The following SLC9A4 variants were observed in gnomAD, a reference collection of about 807,000 sequenced individuals.
SLC9A4 encodes sodium/hydrogen exchanger 4.
In SLC9A4, 63 loss-of-function variants were observed where a neutral mutation model predicts 67.4. The observed-to-expected ratio is 0.93, with a 90% CI of 0.76 to 1.15. The LOEUF is 1.15. SLC9A4 is among the 50% of genes most tolerant of loss of function. The probability of loss-of-function intolerance (pLI) is 0.00; values close to 1 mark genes in which losing one functional copy is unlikely to be tolerated. For synonymous variants in SLC9A4, 393 were observed against 367.2 expected, an observed-to-expected ratio of 1.07 and a Z score of -0.80; for missense variants, 1,089 against 987.7, an observed-to-expected ratio of 1.10 and a Z score of -1.38.
chr2:102,506,340 G>T (rs969010416), intron 4 of SLC9A4, among the ~76,000 whole-genome samples: 1 of 152,152 alleles, frequency 6.6e-6, no homozygotes, highest in South Asian at 2.1e-4. Flanking sequence ...ATATTTTCAA[G>T]CCAATTACTC....
chr2:102,530,717 A>G (rs1354992962), intron 11 of SLC9A4, among the ~76,000 whole-genome samples: 3 of 152,164 alleles, frequency 2.0e-5, no homozygotes, highest in African/African-American at 7.2e-5. Context: ...ATCCAGAGGA[A>G]CTGGTCCCAG....
chr2:102,522,541 C>T (rs1685449615), intron 9 of SLC9A4, among the ~76,000 whole-genome samples: 1 of 152,008 alleles, frequency 6.6e-6, no homozygotes, highest in Non-Finnish European at 1.5e-5. Context: ...TCCAAGTGTT[C>T]CTTATAAAGT....
intron 11 of SLC9A4, among the ~76,000 whole-genome samples, chr2:102,528,957 G>T (rs116178728): frequency 1.7e-4 from 26 of 152,252 alleles, no homozygotes; most frequent in Admixed American, 2.6e-4. Flanking sequence ...GGATGATATT[G>T]GTTCCCTCCA....
intron 1 of SLC9A4, among the ~76,000 whole-genome samples, chr2:102,477,364 A>G (rs78627765): frequency 1.4e-3 from 219 of 152,322 alleles, no homozygotes; most frequent in Middle Eastern, 0.01. Context: ...ATCATTCTCC[A>G]ACAATCTGTT....
chr2:102,532,199 G>A (rs1674790884), intron 11 of SLC9A4, 131 bp from the exon 12 acceptor site: 8 of 1,020,464 alleles, frequency 7.8e-6, no homozygotes, highest in African/African-American at 1.6e-5. Context: ...GTGCTGATAA[G>A]AAAGTTGAGT....
At chr2:102,508,023 C>T (rs1685083757) in intron 4 of SLC9A4, 56 bp from the exon 5 acceptor site, 1 of 1,558,106 alleles carries the variant, frequency 6.4e-7, no homozygotes, top group African/African-American at 1.4e-5. Flanking sequence ...TTCACTAGCT[C>T]TGTATCTCTG....
At chr2:102,479,371 G>A (rs2104413441) in intron 2 of SLC9A4, 69 bp downstream of exon 2, 2 of 1,483,558 alleles carry the variant, frequency 1.3e-6, no homozygotes, top group African/African-American at 1.4e-5. Context: ...GGGACCGGAG[G>A]CTGTGGAGAC....
chr2:102,530,985 T>C (rs909690175), intron 11 of SLC9A4, among the ~76,000 whole-genome samples: 1 of 151,940 alleles, frequency 6.6e-6, no homozygotes, highest in African/African-American at 2.4e-5. Context: ...AGATATGGAG[T>C]TTTTGTTTTG....
rs374166431 is a variant in SLC9A4 at position 102,515,492 on chromosome 2, C to T, written c.1721+1241C>T. Among the ~76,000 whole-genome samples the T allele has an allele frequency of 1.3e-4, 19 of 150,118 alleles. No homozygotes were observed. In the South Asian group the frequency reaches 3.0e-3, roughly 24 times the overall value. On this transcript the variant is annotated intron_variant, in intron 8 of 11. Coordinates refer to ENST00000295269, the MANE Select transcript of SLC9A4 (RefSeq NM_001011552.4). ...TCTTTGAGGGTGGTGGAGGGGTTGT[C>T]GGTTTGTTTTGATGCTGCTCATCAC...
At chr2:102,504,443 A>T (rs1685008010) in intron 3 of SLC9A4, among the ~76,000 whole-genome samples, 1 of 152,204 alleles carries the variant, frequency 6.6e-6, no homozygotes, top group African/African-American at 2.4e-5. Flanking sequence ...ATGAAACTAG[A>T]CAGATGGGAT....
intron 1 of SLC9A4, among the ~76,000 whole-genome samples, chr2:102,476,276 G>A (rs1324521841): frequency 2.6e-5 from 4 of 152,172 alleles, no homozygotes; most frequent in Admixed American, 6.5e-5. Flanking sequence ...TTGAATCTTT[G>A]GGAAGAACAT....
chr2:102,528,471 G>A (rs965058379), intron 11 of SLC9A4, among the ~76,000 whole-genome samples: 10 of 150,744 alleles, frequency 6.6e-5, no homozygotes, highest in African/African-American at 2.2e-4. Context: ...TCCCTATGTT[G>A]CCCAGGCTGA....
Position 102,503,879 on chromosome 2 carries a change from C to T in SLC9A4, c.980+172C>T, listed in dbSNP as rs115597675. Among the ~76,000 whole-genome samples, 231 of 152,256 alleles carry T rather than the reference C, an allele frequency of 1.5e-3. 2 individuals carry two copies. The highest frequency in any genetic ancestry group is 3.1e-3 in the Admixed American group (48 of 15,300). ...AACCTGATTCGGGTTCTTTGTCAAACCAACGTTCTCTCCAATGCCTGCCTT... is the reference window on the plus strand; with the variant it reads ...AACCTGATTCGGGTTCTTTGTCAAATCAACGTTCTCTCCAATGCCTGCCTT... On this transcript the variant is annotated intron_variant, in intron 3 of 11. Transcript: ENST00000295269.
intron 8 of SLC9A4, among the ~76,000 whole-genome samples, chr2:102,517,667 TA>T (rs1171575068): frequency 6.6e-6 from 1 of 152,224 alleles, no homozygotes; most frequent in Non-Finnish European, 1.5e-5. Flanking sequence ...TACCCTAATT[TA>T]ATTATATGAA....
At chr2:102,491,261 C>T (rs1200510830) in intron 2 of SLC9A4, among the ~76,000 whole-genome samples, 1 of 146,538 alleles carries the variant, frequency 6.8e-6, no homozygotes, top group Non-Finnish European at 1.5e-5. Flanking sequence ...CGCTTGCTCA[C>T]ACTCTGCTGC....
intron 2 of SLC9A4, among the ~76,000 whole-genome samples, chr2:102,501,887 C>G (rs956872770): frequency 2.0e-5 from 3 of 151,650 alleles, no homozygotes; most frequent in Non-Finnish European, 2.9e-5. Flanking sequence ...CGTGGGTGAG[C>G]CTGGCAGGGT....
chr2:102,532,377 T>G lies in SLC9A4; in HGVS notation c.2086T>G (p.Cys696Gly). Residue 696 changes from cysteine (C) to glycine (G), a missense_variant, in exon 12 of 12, where the codon TGC becomes GGC. Cys to Gly is a radical substitution (Grantham distance 159, BLOSUM62 -3). Transcript: ENST00000295269. ...ATCCCCATCCATCACGTTCAGCGCA[T>G]GCTCTCGGATAGGGTCACTTCAGAA... ...PGSPSITFSA[C>G]SRIGSLQKQE... 1.9e-6 allele frequency: 3 copies of G among 1,614,180 alleles called. No individual in the cohort carries two copies. The highest frequency in any genetic ancestry group is 2.5e-6 in the Non-Finnish European group (3 of 1,180,034).
chr2:102,502,564 G>A (rs745369129), intron 2 of SLC9A4, among the ~76,000 whole-genome samples: 1 of 152,214 alleles, frequency 6.6e-6, no homozygotes, highest in East Asian at 1.9e-4. Context: ...GGAAGGACAC[G>A]CTTGGGAGGG....
intron 1 of SLC9A4, among the ~76,000 whole-genome samples, chr2:102,475,318 G>T (rs1403571856): frequency 6.6e-6 from 1 of 152,170 alleles, no homozygotes; most frequent in East Asian, 1.9e-4. Context: ...AAAACAATAT[G>T]CTAGAGATTC....
Sources: gnomAD v4.1 joint callset for allele counts (sites outside exome capture counted in the v4.1 genomes callset) on GRCh38, gnomAD v4.1.1 for gene constraint, MANE v1.5 for transcripts, NCBI Gene and HGNC (gene_info 2026-07-23, HGNC 2026-07-21) for gene names.